IPO11: variants seen among roughly 807,000 people sequenced by gnomAD.
IPO11 encodes the protein importin 11.
IPO11 carries 66 observed loss-of-function variants against 143.2 expected under a neutral mutation model. The observed-to-expected ratio is 0.46, with a 90% CI of 0.38 to 0.57. The LOEUF is 0.57. IPO11 is among the 20% of genes least tolerant of loss of function. IPO11 has a pLI of 0.00. For missense variants in IPO11, 1,026 were observed against 1,141.0 expected, an observed-to-expected ratio of 0.90 and a Z score of 1.45; for synonymous variants, 385 against 377.8, an observed-to-expected ratio of 1.02 and a Z score of -0.22.
chr5:62,594,219 A>G (rs1485378975), intron 28 of IPO11, among the ~76,000 whole-genome samples: 1 of 152,204 alleles, frequency 6.6e-6, no homozygotes, highest in African/African-American at 2.4e-5. Flanking sequence ...ATTGTAAGGA[A>G]TTGGCTCACA....
rs184419987 is a variant in IPO11, at chr5:62,507,726, T to C, written c.1782+1369T>C. On this transcript the variant is annotated intron_variant, in intron 19 of 29. Coordinates refer to ENST00000325324, the MANE Select transcript of IPO11 (RefSeq NM_016338.5). The stretch of plus-strand genomic sequence containing the variant: ...GAAATTTCTTAGATAAAACTTTTTT[T>C]TAAATAGAAATGGGTCTTCTTATCT... Among the ~76,000 whole-genome samples, 363 of 152,358 alleles carry C rather than the reference T, an allele frequency of 2.4e-3. 1 individual carries two copies. The highest frequency in any genetic ancestry group is 8.1e-3 in the African/African-American group (337 of 41,586).
chr5:62,515,392 G>T lies in IPO11; in HGVS notation c.1787G>T (p.Arg596Leu), dbSNP rs145164064. 1 of 1,598,976 alleles carries T rather than the reference G, an allele frequency of 6.3e-7. No homozygotes were observed. Among genetic ancestry groups the T allele is most frequent in the South Asian group, 1.1e-5 (1 of 87,552 alleles). ...CVIERVNMQIRPYVGCLVQYL... is the reference protein window; with the variant it reads ...CVIERVNMQILPYVGCLVQYL... ...CCTCTACTTATATTGTAATAGATAC[G>T]ACCATATGTGGGATGTTTGGTACAA... is the stretch of plus-strand genomic sequence containing the variant. The change falls in exon 20 of 30, where the codon CGA becomes CTA. Residue 596 changes from arginine to leucine, a missense_variant. By Grantham distance (102) the Arg-to-Leu change is moderately radical. This residue lies in a region of IPO11 where 237 missense variants were observed against 288.0 expected (regional missense o/e 0.82). Coordinates refer to ENST00000325324, the MANE Select transcript of IPO11 (RefSeq NM_016338.5).
At chr5:62,537,044 A>G (rs1042513399) in intron 23 of IPO11, among the ~76,000 whole-genome samples, 165 bp from the exon 24 acceptor site, 2 of 152,044 alleles carry the variant, frequency 1.3e-5, no homozygotes, top group Admixed American at 6.6e-5. Context: ...TTTATTTGGC[A>G]TAATCTTTTT....
chr5:62,438,852 G>A (rs972811027), intron 2 of IPO11, among the ~76,000 whole-genome samples: 1 of 151,982 alleles, frequency 6.6e-6, no homozygotes, highest in Non-Finnish European at 1.5e-5. Context: ...GTGACCAGGA[G>A]ATTGAGACCA....
chr5:62,503,652 A>G (rs1308108548), intron 16 of IPO11, among the ~76,000 whole-genome samples: 1 of 152,080 alleles, frequency 6.6e-6, no homozygotes, highest in Non-Finnish European at 1.5e-5. Flanking sequence ...AAATCTGTTA[A>G]AAATCTGGAA....
chr5:62,430,805 G>C (rs1328632166), intron 1 of IPO11, among the ~76,000 whole-genome samples: 9 of 151,178 alleles, frequency 6.0e-5, no homozygotes, highest in Admixed American at 5.9e-4. Context: ...AGCCTCCCGA[G>C]TAGCTGGGAT....
intron 24 of IPO11, 63 bp from the exon 25 acceptor site, chr5:62,550,304 C>A: frequency 1.6e-6 from 2 of 1,217,644 alleles, no homozygotes; most frequent in Non-Finnish European, 2.4e-6. Context: ...TGTTTCCTTA[C>A]ATGTGTTTTT....
Position 62,570,482 on chromosome 5 carries a change from C to T in IPO11, c.2582+9225C>T, listed in dbSNP as rs553937323. ...TCACCTGTTCCTCTTCTGATATCAA[C>T]CTTATGACACTAATACAATAGCATT... is the stretch of plus-strand genomic sequence containing the variant. On this transcript the variant is annotated intron_variant, in intron 27 of 29. Transcript: ENST00000325324. Among the ~76,000 whole-genome samples the T allele has an allele frequency of 3.3e-5, 5 of 152,308 alleles. No homozygotes were observed. In the South Asian group the frequency reaches 1.0e-3, roughly 32 times the overall value.
chr5:62,570,847 C>T (rs1293945505), intron 27 of IPO11, among the ~76,000 whole-genome samples: 3 of 152,212 alleles, frequency 2.0e-5, no homozygotes, highest in Non-Finnish European at 4.4e-5. Flanking sequence ...TTAAACATAT[C>T]ACCTAAGAAA....
intron 27 of IPO11, among the ~76,000 whole-genome samples, chr5:62,562,807 TA>T (rs1743816567): frequency 6.6e-6 from 1 of 152,378 alleles, no homozygotes; most frequent in African/African-American, 2.4e-5. Flanking sequence ...CATATGTAAT[TA>T]TTTTGTTGCA....
At chr5:62,421,989 A>G (rs942097544) in intron 1 of IPO11, among the ~76,000 whole-genome samples, 8 of 152,192 alleles carry the variant, frequency 5.3e-5, no homozygotes, top group African/African-American at 1.9e-4. Context: ...ACTCAGCAAA[A>G]AGTTTTGCCT....
chr5:62,551,352 C>T lies in IPO11; in HGVS notation c.2460+16C>T. 1 of 1,265,568 alleles carries T rather than the reference C, an allele frequency of 7.9e-7. No individual in the cohort carries two copies. Among genetic ancestry groups the T allele is most frequent in the Non-Finnish European group, 1.1e-6 (1 of 870,398 alleles). 78.4% of individuals were successfully genotyped at this position (1,265,568 alleles called of 1,614,324 possible). On this transcript the variant is annotated intron_variant, in intron 26 of 29. Coordinates refer to ENST00000325324, the MANE Select transcript of IPO11 (RefSeq NM_016338.5). ...TAATCAGGAGGTAAGAATCAATATA[C>T]TTAAATTTAAGGAAGTCTTTATCTA...
chr5:62,444,766 G>C (rs552570051), intron 3 of IPO11, among the ~76,000 whole-genome samples: 1 of 152,128 alleles, frequency 6.6e-6, no homozygotes, highest in East Asian at 1.9e-4. Flanking sequence ...TTGCTGGGGA[G>C]GGTGACACAG....
chr5:62,469,799 G>T (rs1336588190), intron 6 of IPO11, among the ~76,000 whole-genome samples: 1 of 152,116 alleles, frequency 6.6e-6, no homozygotes. Context: ...GAGCAGTGTA[G>T]TTGATTCCAA....
chr5:62,442,020 A>G (rs1264921112), intron 2 of IPO11, among the ~76,000 whole-genome samples: 1 of 150,698 alleles, frequency 6.6e-6, no homozygotes, highest in African/African-American at 2.4e-5. Flanking sequence ...TAATTTTTGT[A>G]TTTTTAGTAG....
chr5:62,503,371 A>G (rs920290740), intron 16 of IPO11, among the ~76,000 whole-genome samples: 2 of 141,598 alleles, frequency 1.4e-5, no homozygotes, highest in Non-Finnish European at 1.6e-5. Flanking sequence ...AATAGTATCT[A>G]CTAATATATT....
chr5:62,431,723 C>T (rs1423728166), intron 1 of IPO11, among the ~76,000 whole-genome samples: 1 of 152,078 alleles, frequency 6.6e-6, no homozygotes, highest in Non-Finnish European at 1.5e-5. Flanking sequence ...AGGCGAATTA[C>T]TTGAGGCCAG....
chr5:62,571,664 C>G (rs972167693), intron 27 of IPO11, among the ~76,000 whole-genome samples: 1 of 151,816 alleles, frequency 6.6e-6, no homozygotes, highest in African/African-American at 2.4e-5. Context: ...TTCCAATATC[C>G]CTATGGGGAT....
chr5:62,593,119 C>T (rs1745091928), intron 28 of IPO11, among the ~76,000 whole-genome samples: 1 of 152,144 alleles, frequency 6.6e-6, no homozygotes, highest in African/African-American at 2.4e-5. Flanking sequence ...ACAGTTATAT[C>T]TTGTTTTGTG....
Sources: allele counts gnomAD v4.1 joint callset (sites outside exome capture counted in the v4.1 genomes callset), GRCh38; gene constraint gnomAD v4.1.1; regional missense constraint gnomAD v4.1.1; transcripts MANE v1.5; gene names NCBI Gene and HGNC (gene_info 2026-07-23, HGNC 2026-07-21).